Variants in SCN1A observed in about 807,000 individuals in gnomAD.
SCN1A encodes the protein sodium channel protein type 1 subunit alpha.
In SCN1A, 13 loss-of-function variants were observed where a neutral mutation model predicts 193.7. The observed-to-expected ratio is 0.07, with a 90% CI of 0.04 to 0.11. The LOEUF is 0.11. Ranked by LOEUF, SCN1A falls within the 10% of genes least tolerant of loss-of-function variation. The pLI is 1.00. For synonymous variants in SCN1A, 781 were observed against 843.6 expected, an observed-to-expected ratio of 0.93 and a Z score of 1.29; for missense variants, 1,432 against 2,451.1, an observed-to-expected ratio of 0.58 and a Z score of 8.78.
intron 4 of SCN1A, among the ~76,000 whole-genome samples, chr2:166,067,774 C>G (rs1684003397): frequency 7.0e-6 from 1 of 142,538 alleles, no homozygotes; most frequent in Admixed American, 7.3e-5. Flanking sequence ...GAGTAAATCT[C>G]TGCCCCACTG....
intron 1 of SCN1A, among the ~76,000 whole-genome samples, chr2:166,135,864 G>A (rs1220833918): frequency 6.6e-6 from 1 of 152,156 alleles, no homozygotes; most frequent in Admixed American, 6.5e-5. Flanking sequence ...ATATCAAATA[G>A]CAGAGAACTG....
intron 4 of SCN1A, among the ~76,000 whole-genome samples, chr2:166,069,844 G>A (rs1684231372): frequency 6.6e-6 from 1 of 152,104 alleles, no homozygotes; most frequent in African/African-American, 2.4e-5. Flanking sequence ...ATCAGCATTA[G>A]TGGAAAATCT....
At chr2:166,091,754 G>A (rs942443531) in intron 2 of SCN1A, among the ~76,000 whole-genome samples, 13 of 152,144 alleles carry the variant, frequency 8.5e-5, no homozygotes, top group African/African-American at 2.4e-4. Context: ...TCAACTAAAC[G>A]TCTTGTGCTT....
rs117933672 is a variant in SCN1A at position 166,089,544 on chromosome 2, G to C, written c.-141-11743C>G. Reference sequence around the variant, plus strand: ...AAAGTGGGTTAATCAATCAGAGAGAGGGCGTAAGAGTTCTTTTTTTGGTTG... The same window carrying C: ...AAAGTGGGTTAATCAATCAGAGAGACGGCGTAAGAGTTCTTTTTTTGGTTG... On this transcript the variant is annotated intron_variant, in intron 2 of 28. Coordinates refer to ENST00000674923, the MANE Select transcript of SCN1A (RefSeq NM_001165963.4). 2.7e-3 allele frequency among the ~76,000 whole-genome samples: 407 copies of C among 152,082 alleles called. 10 individuals carry two copies. In the East Asian group the frequency reaches 0.064, roughly 24 times the overall value.
At chr2:166,104,517 T>A (rs1055526069) in intron 2 of SCN1A, among the ~76,000 whole-genome samples, 4 of 152,096 alleles carry the variant, frequency 2.6e-5, no homozygotes, top group African/African-American at 9.7e-5. Flanking sequence ...CTGAGGCAGG[T>A]GTATTGCTTG....
In SCN1A at chr2:165,991,488, G is replaced by A. The variant is rs371253263; in HGVS notation, c.5787C>T (p.His1929=). The A allele has an allele frequency of 3.1e-6, 5 of 1,613,776 alleles. No homozygotes were observed. The African/African-American group carries it at 5.3e-5, about 17-fold the overall frequency. Residue 1929 remains histidine, a synonymous_variant, in exon 29 of 29, where the codon CAC becomes CAT. Coordinates refer to ENST00000674923, the MANE Select transcript of SCN1A (RefSeq NM_001165963.4). ...AVIIQRAYRR[H]LLKRTVKQAS... ...CTTGTTTTACAGTTCGCTTTAAAAG[G>A]TGGCGTCTGTAAGCACGCTGAATAA...
chr2:166,022,922 T>C (rs1028089688), intron 19 of SCN1A, among the ~76,000 whole-genome samples: 2 of 152,076 alleles, frequency 1.3e-5, no homozygotes, highest in Admixed American at 1.3e-4. Context: ...GGAGTTGGAA[T>C]TGAACATGAC....
chr2:166,022,762 A>G (rs1036361981), intron 19 of SCN1A, among the ~76,000 whole-genome samples: 1 of 152,232 alleles, frequency 6.6e-6, no homozygotes, highest in African/African-American at 2.4e-5. Flanking sequence ...CAAGAAATAA[A>G]TAATTAGTAG....
chr2:166,017,843 A>G (rs772372037), intron 19 of SCN1A, among the ~76,000 whole-genome samples: 2 of 152,070 alleles, frequency 1.3e-5, no homozygotes, highest in Non-Finnish European at 2.9e-5. Context: ...TATAATTGTT[A>G]TCTGCTAGGT....
chr2:166,020,629 T>C (rs1460015474), intron 19 of SCN1A, among the ~76,000 whole-genome samples: 1 of 152,212 alleles, frequency 6.6e-6, no homozygotes, highest in Non-Finnish European at 1.5e-5. Flanking sequence ...TGTTGTTGTA[T>C]TTATAAAAAC....
At chr2:166,035,986 G>T in intron 19 of SCN1A, 62 bp downstream of exon 19, 2 of 1,496,690 alleles carry the variant, frequency 1.3e-6, no homozygotes, top group Non-Finnish European at 9.3e-7. Context: ...AGGATCATCT[G>T]TATGTGTGTA....
Position 165,987,257 on chromosome 2 carries a change from A to G in SCN1A, c.*3988T>C, listed in dbSNP as rs1287404157. The stretch of plus-strand genomic sequence containing the variant: ...CTTTCAGTATATCTTATCAGGAGGC[A>G]CATAGTATCAGTTGGTCTCATAATT... On this transcript the variant is annotated 3_prime_UTR_variant, in exon 29 of 29. Coordinates refer to ENST00000674923, the MANE Select transcript of SCN1A (RefSeq NM_001165963.4). 6.6e-6 allele frequency: 1 copy of G among 152,160 alleles called. No homozygotes were observed. The highest frequency in any genetic ancestry group is 1.5e-5 in the Non-Finnish European group (1 of 68,010). The allele number at this position is 152,160 out of a possible 1,614,324, so 9.4% of individuals were successfully genotyped here. A position where few individuals can be genotyped will look rare whatever the true frequency, so the allele number is the denominator to read the frequency against.
rs1168462592 is a variant in SCN1A, at chr2:165,987,022, T to C, written c.*4223A>G. 1 of 152,178 alleles carries C rather than the reference T, an allele frequency of 6.6e-6. No individual in the cohort carries two copies. Among genetic ancestry groups the C allele is most frequent in the Non-Finnish European group, 1.5e-5 (1 of 68,000 alleles). 9.4% of individuals were successfully genotyped at this position (152,178 alleles called of 1,614,324 possible). ...TCCCAATAATATTATTTATCTGTTA[T>C]TTTTTAATTTGATATTCCATCCAGA... On this transcript the variant is annotated 3_prime_UTR_variant, in exon 29 of 29. Transcript: ENST00000674923.
chr2:166,067,359 G>T (rs368870121), intron 4 of SCN1A, among the ~76,000 whole-genome samples: 1 of 152,102 alleles, frequency 6.6e-6, no homozygotes, highest in Non-Finnish European at 1.5e-5. Context: ...GACCAGTAAG[G>T]GTTCGGGAAA....
intron 13 of SCN1A, among the ~76,000 whole-genome samples, chr2:166,044,466 T>G (rs958339764): frequency 1.4e-4 from 22 of 152,134 alleles, no homozygotes; most frequent in African/African-American, 5.3e-4. Context: ...CTTTCAACAC[T>G]CCTCACAATT....
chr2:166,127,563 G>A (rs902132057), intron 1 of SCN1A, among the ~76,000 whole-genome samples: 3 of 149,570 alleles, frequency 2.0e-5, no homozygotes, highest in Non-Finnish European at 4.4e-5. Flanking sequence ...AAACAAACCT[G>A]ATTTCAGTTC....
chr2:165,993,208 T>TGTGTGTGTGTGTGTGTGA, intron 28 of SCN1A: 1 of 141,644 alleles, frequency 7.1e-6, no homozygotes, highest in Middle Eastern at 3.6e-3. Context: ...TGTGTGTGTG[T>TGTGTGTGTGTGTGTGTGA]GTGAGAGAGA....
At position 165,996,016 on chromosome 2, in the gene SCN1A, T is replaced by C. The variant is rs991294875; in HGVS notation, c.4578A>G (p.Pro1526=). ...CATATCATTTGATACTTCTTACTCC[T>C]GGTCGAGGTATAGGCTTTTGCGGTT... The part of the protein sequence containing the change: ...SKKPQKPIPR[P]GNKFQGMVFD... The change falls in exon 27 of 29, where the codon CCA becomes CCG. Residue 1526 remains proline (P), a synonymous_variant. Coordinates refer to ENST00000674923, the MANE Select transcript of SCN1A (RefSeq NM_001165963.4). The C allele has an allele frequency of 6.3e-7, 1 of 1,592,056 alleles. No individual in the cohort carries two copies. Among genetic ancestry groups the C allele is most frequent in the Admixed American group, 1.7e-5 (1 of 59,736 alleles).
chr2:166,027,321 G>C (rs1167824748), intron 19 of SCN1A: 2 of 152,114 alleles, frequency 1.3e-5, no homozygotes, highest in Non-Finnish European at 2.9e-5. Context: ...GACCTTGAGG[G>C]TAAGGCAAAA....
Sources: gnomAD v4.1 joint callset for allele counts (sites outside exome capture counted in the v4.1 genomes callset) on GRCh38, gnomAD v4.1.1 for gene constraint, MANE v1.5 for transcripts, NCBI Gene and HGNC (gene_info 2026-07-23, HGNC 2026-07-21) for gene names.